The following EYA1 variants were observed in gnomAD, a reference collection of about 807,000 sequenced individuals.
EYA1 encodes EYA transcriptional coactivator and phosphatase 1.
EYA1 carries 16 observed loss-of-function variants against 82.0 expected under a neutral mutation model. That is an observed-to-expected ratio of 0.20 (90% CI 0.13 to 0.30). The LOEUF (loss-of-function observed/expected upper bound fraction) is 0.30, where lower values mean the gene tolerates loss of function less well. Among genes scored for constraint, EYA1 ranks in the 10% least tolerant of loss-of-function variants. EYA1 has a pLI of 1.00. For missense variants in EYA1, 633 were observed against 730.7 expected, an observed-to-expected ratio of 0.87 and a Z score of 1.54; for synonymous variants, 261 against 264.4, an observed-to-expected ratio of 0.99 and a Z score of 0.12.
chr8:71,459,803 A>T (rs886554834), intron 2 of EYA1, among the ~76,000 whole-genome samples: 2 of 151,986 alleles, frequency 1.3e-5, no homozygotes, highest in South Asian at 2.1e-4. Flanking sequence ...TTCAATTATT[A>T]TTTTTTCTTA....
intron 1 of EYA1, among the ~76,000 whole-genome samples, chr8:71,541,174 G>A (rs1815108568): frequency 6.6e-6 from 1 of 152,216 alleles, no homozygotes; most frequent in African/African-American, 2.4e-5. Flanking sequence ...ATACTCATCA[G>A]TCTTTCAAAC....
chr8:71,464,521 C>T (rs1227751495), intron 2 of EYA1, among the ~76,000 whole-genome samples: 2 of 152,192 alleles, frequency 1.3e-5, no homozygotes, highest in Non-Finnish European at 2.9e-5. Context: ...TGCAACGGGC[C>T]TAGTTGGCCC....
chr8:71,322,559 G>A, intron 4 of EYA1: 1 of 415,328 alleles, frequency 2.4e-6, no homozygotes, highest in South Asian at 2.2e-5. Context: ...TTTTACAGTG[G>A]CAATACTTAA....
At chr8:71,418,158 C>A (rs1409315179) in intron 2 of EYA1, among the ~76,000 whole-genome samples, 1 of 152,208 alleles carries the variant, frequency 6.6e-6, no homozygotes, top group African/African-American at 2.4e-5. Context: ...GATCCTCCCA[C>A]TTTCCAACTT....
intron 2 of EYA1, among the ~76,000 whole-genome samples, chr8:71,481,124 CAAAT>C (rs1176279902): frequency 6.6e-6 from 1 of 151,834 alleles, no homozygotes; most frequent in African/African-American, 2.4e-5. Flanking sequence ...AAATTATGCA[CAAAT>C]AAAGAAAACA....
At chr8:71,494,145 T>G (rs1392540671) in intron 2 of EYA1, among the ~76,000 whole-genome samples, 2 of 151,840 alleles carry the variant, frequency 1.3e-5, no homozygotes, top group African/African-American at 4.8e-5. Context: ...TAAAGTACAA[T>G]TATTATATTT....
At chr8:71,399,236 T>G (rs1292315179) in intron 2 of EYA1, among the ~76,000 whole-genome samples, 1 of 152,130 alleles carries the variant, frequency 6.6e-6, no homozygotes, top group African/African-American at 2.4e-5. Context: ...TGACCCCTTG[T>G]GCTTCCCGGG....
intron 2 of EYA1, among the ~76,000 whole-genome samples, chr8:71,385,672 T>C (rs1034524489): frequency 6.6e-6 from 1 of 152,166 alleles, no homozygotes; most frequent in Non-Finnish European, 1.5e-5. Flanking sequence ...AGAGATAGCA[T>C]CAGAAGGAAT....
chr8:71,208,665 A>C (rs146541534), intron 17 of EYA1, among the ~76,000 whole-genome samples: 1,902 of 152,246 alleles, frequency 0.012, 16 homozygotes, highest in Non-Finnish European at 0.02. Flanking sequence ...CCAACATGGC[A>C]CATGTATACC....
intron 3 of EYA1, among the ~76,000 whole-genome samples, chr8:71,337,708 T>C (rs370008949): frequency 1.3e-3 from 197 of 152,372 alleles, no homozygotes; most frequent in Admixed American, 2.1e-3. Context: ...AAGTACCTGA[T>C]ATAAAGTAGG....
rs531559977 is a variant in EYA1 at position 71,525,578 on chromosome 8, T to G, written c.33+10166A>C. ...CATAAGCTAAATTAATCTATATTAT[T>G]AATTTCTTTATAATCCAATTTTTGT... On this transcript the variant is annotated intron_variant, in intron 2 of 18. Transcript: ENST00000643681. 7.9e-5 allele frequency among the ~76,000 whole-genome samples: 12 copies of G among 152,332 alleles called. 1 individual carries two copies. The highest frequency in any genetic ancestry group is 2.6e-4 in the African/African-American group (11 of 41,592).
Position 71,274,961 on chromosome 8 carries a change from C to A in EYA1, c.827-3064G>T, listed in dbSNP as rs905169606. 2.6e-4 allele frequency among the ~76,000 whole-genome samples: 25 copies of A among 94,358 alleles called. No individual in the cohort carries two copies. The East Asian group carries it at 0.011, about 42-fold the overall frequency. 61.9% of individuals were successfully genotyped at this position (94,358 alleles called of 152,430 possible). A position where few individuals can be genotyped will look rare whatever the true frequency, so the allele number is the denominator to read the frequency against. Reference sequence around the variant, plus strand: ...GAACGAGAGCAAGCGAGTGAACAAGCGCAAGCGCGTGCGAGAGCGCATGTC... The same window carrying A: ...GAACGAGAGCAAGCGAGTGAACAAGAGCAAGCGCGTGCGAGAGCGCATGTC... On this transcript the variant is annotated intron_variant, in intron 9 of 17. Transcript: ENST00000340726.
intron 6 of EYA1, among the ~76,000 whole-genome samples, chr8:71,318,956 C>T (rs1432382731): frequency 6.6e-6 from 1 of 152,116 alleles, no homozygotes; most frequent in Non-Finnish European, 1.5e-5. Context: ...GAATAACCCA[C>T]ACATAGAAAT....
In EYA1 at chr8:71,420,365, A is replaced by G. The variant is rs960459533; in HGVS notation, c.34-63854T>C. ...CATTTTATCATTGCTTACAAAGCAC[A>G]TTTAAACAACCTAGGATATGTTAAA... On this transcript the variant is annotated intron_variant, in intron 2 of 18. Coordinates refer to the EYA1 transcript ENST00000643681. 8.5e-5 allele frequency among the ~76,000 whole-genome samples: 13 copies of G among 152,232 alleles called. No individual in the cohort carries two copies. In the East Asian group the frequency reaches 2.5e-3, roughly 29 times the overall value.
chr8:71,376,197 A>G (rs564155758), intron 2 of EYA1, among the ~76,000 whole-genome samples: 1 of 152,138 alleles, frequency 6.6e-6, no homozygotes, highest in Non-Finnish European at 1.5e-5. Flanking sequence ...ACTTGTAAAA[A>G]CTGGGGTGAG....
intron 1 of EYA1, among the ~76,000 whole-genome samples, chr8:71,542,139 G>A (rs1442907552): frequency 2.6e-5 from 4 of 152,028 alleles, no homozygotes; most frequent in Non-Finnish European, 4.4e-5. Flanking sequence ...GTGTCATGGG[G>A]GTTTGTTGTA....
At chr8:71,377,506 G>A (rs533888880) in intron 2 of EYA1, among the ~76,000 whole-genome samples, 47 of 152,186 alleles carry the variant, frequency 3.1e-4, no homozygotes, top group African/African-American at 1.1e-3. Context: ...CCAATCGCAA[G>A]GATATTATCA....
intron 7 of EYA1, 36 bp from the exon 8 acceptor site, chr8:71,299,756 G>T (rs776792831): frequency 9.0e-7 from 1 of 1,108,184 alleles, no homozygotes; most frequent in Non-Finnish European, 1.4e-6. Context: ...ATTATACCAG[G>T]CTTGTGGAAT....
intron 12 of EYA1, among the ~76,000 whole-genome samples, chr8:71,228,718 C>T (rs1441640835): frequency 1.3e-5 from 2 of 152,156 alleles, no homozygotes; most frequent in African/African-American, 4.8e-5. Context: ...AAGGACTGAA[C>T]ACCTATGTCT....
Sources: allele counts gnomAD v4.1 joint callset (sites outside exome capture counted in the v4.1 genomes callset), GRCh38; gene constraint gnomAD v4.1.1; transcripts MANE v1.5; gene names NCBI Gene and HGNC (gene_info 2026-07-23, HGNC 2026-07-21).